The following FAM117A variants were observed in gnomAD, a reference collection of about 807,000 sequenced individuals.
FAM117A encodes family with sequence similarity 117 member A.
A neutral mutation model predicts 44.1 loss-of-function variants in FAM117A; 21 were observed. The observed-to-expected ratio is 0.48, with a 90% CI of 0.34 to 0.69. The LOEUF is 0.69. FAM117A is among the 30% of genes least tolerant of loss of function. FAM117A has a pLI of 0.01. For synonymous variants in FAM117A, 220 were observed against 238.3 expected (o/e 0.92, Z 0.71); for missense variants, 498 against 589.9 (o/e 0.84, Z 1.61).
chr17:49,760,591 C>T (rs547732839), intron 1 of FAM117A, among the ~76,000 whole-genome samples: 20 of 152,162 alleles, frequency 1.3e-4, no homozygotes, highest in Non-Finnish European at 2.6e-4. Context: ...GGTTCCAAGG[C>T]AGTATTTAGC....
In FAM117A at chr17:49,774,281, T is replaced by A. The variant is rs530445278; in HGVS notation, c.-621+14216A>T. Among the ~76,000 whole-genome samples, 9 of 152,038 alleles carry A rather than the reference T, an allele frequency of 5.9e-5. No individual in the cohort carries two copies. In the South Asian group the frequency reaches 1.0e-3, roughly 18 times the overall value. On this transcript the variant is annotated intron_variant, in intron 1 of 7. Transcript: ENST00000513602. ...CTCCCACCTCAGCCTCCGGAGTAGC[T>A]GGGACTACAGGCAGTCGCCACACCT... is the stretch of plus-strand genomic sequence containing the variant.
intron 6 of FAM117A, 59 bp from the exon 7 acceptor site, chr17:49,716,374 G>T: frequency 2.1e-6 from 3 of 1,440,042 alleles, no homozygotes; most frequent in East Asian, 4.9e-5. Context: ...CACTTTTCTG[G>T]GTCCAGGACT....
intron 5 of FAM117A, among the ~76,000 whole-genome samples, chr17:49,718,721 G>A (rs927214056): frequency 2.0e-5 from 3 of 151,698 alleles, no homozygotes; most frequent in Non-Finnish European, 4.4e-5. Flanking sequence ...GGTGGCTCAC[G>A]CCTGTAATCC....
chr17:49,715,210 C>A (rs548008840), intron 7 of FAM117A, among the ~76,000 whole-genome samples: 10 of 152,278 alleles, frequency 6.6e-5, no homozygotes, highest in Admixed American at 2.6e-4. Context: ...TCCCAGGCAA[C>A]AATAATAACA....
intron 7 of FAM117A, among the ~76,000 whole-genome samples, chr17:49,711,880 C>A (rs753325793): frequency 6.6e-6 from 1 of 152,220 alleles, no homozygotes; most frequent in Non-Finnish European, 1.5e-5. Flanking sequence ...CACGGTGGCT[C>A]ACGCCTATAA....
intron 1 of FAM117A, among the ~76,000 whole-genome samples, chr17:49,737,636 T>TA (rs1225309112): frequency 6.6e-6 from 1 of 152,210 alleles, no homozygotes; most frequent in Non-Finnish European, 1.5e-5. Flanking sequence ...CTTTCCTTAC[T>TA]GGGACCCTAA....
At chr17:49,739,442 G>A (rs184071582) in intron 1 of FAM117A, among the ~76,000 whole-genome samples, 2 of 152,242 alleles carry the variant, frequency 1.3e-5, no homozygotes, top group East Asian at 3.9e-4. Flanking sequence ...GCAGCTTCAG[G>A]TCAACACTTA....
At chr17:49,784,077 C>T (rs912306620) in intron 1 of FAM117A, among the ~76,000 whole-genome samples, 1 of 152,212 alleles carries the variant, frequency 6.6e-6, no homozygotes, top group African/African-American at 2.4e-5. Flanking sequence ...AGGCAAGGCT[C>T]CTAACCTCTG....
At chr17:49,753,460 C>T (rs572392469) in intron 1 of FAM117A, among the ~76,000 whole-genome samples, 7 of 152,144 alleles carry the variant, frequency 4.6e-5, no homozygotes, top group East Asian at 1.9e-4. Flanking sequence ...TGAAGATGCA[C>T]GAAAACATTT....
chr17:49,716,378 C>T lies in FAM117A; in HGVS notation c.911-63G>A, dbSNP rs577395682. On this transcript the variant is annotated intron_variant, in intron 6 of 7. Coordinates refer to ENST00000240364, the MANE Select transcript of FAM117A (RefSeq NM_030802.4). ...GGGAAGGCCTCCACTTTTCTGGGTC[C>T]AGGACTGAGGTGTAAAGTGGCAAGG... 15 of 1,430,822 alleles carry T rather than the reference C, an allele frequency of 1.0e-5. No individual in the cohort carries two copies. The African/African-American group carries it at 2.0e-4, about 19-fold the overall frequency. The allele number at this position is 1,430,822 out of a possible 1,614,324, so 88.6% of individuals were successfully genotyped here.
Position 49,711,307 on chromosome 17 carries a change from C to T in FAM117A, c.1310G>A (p.Arg437His), listed in dbSNP as rs1386011373. The change falls in exon 8 of 8, where the codon CGC (arginine) becomes CAC (histidine). Residue 437 changes from arginine to histidine, a missense_variant. Physicochemically the swap from Arg to His is conservative, Grantham distance 29. Transcript: ENST00000240364. ...CACAGGCTCTTCTGATGGTGGGGTG[C>T]GCTGCCATGGCTCGAATGGCAGTGG... ...ASPLPFEPWQ[R>H]TPPSEEPVLF... The T allele has an allele frequency of 3.1e-6, 5 of 1,609,868 alleles. No homozygotes were observed. The highest frequency in any genetic ancestry group is 3.3e-5 in the Admixed American group (2 of 59,736).
chr17:49,755,324 G>A (rs1292723343), intron 1 of FAM117A, among the ~76,000 whole-genome samples: 1 of 152,094 alleles, frequency 6.6e-6, no homozygotes. Flanking sequence ...CTCCTCCTTG[G>A]CCTAGAAAAG....
At chr17:49,712,268 C>T (rs2073482380) in intron 7 of FAM117A, among the ~76,000 whole-genome samples, 1 of 152,194 alleles carries the variant, frequency 6.6e-6, no homozygotes, top group African/African-American at 2.4e-5. Flanking sequence ...GCACCACTGA[C>T]ATTTTGGGCT....
At chr17:49,716,361 C>G in intron 6 of FAM117A, 46 bp from the exon 7 acceptor site, 1 of 1,478,590 alleles carries the variant, frequency 6.8e-7, no homozygotes, top group South Asian at 1.4e-5. Flanking sequence ...AAGGGAAGGC[C>G]TCCACTTTTC....
chr17:49,722,432 A>C, intron 3 of FAM117A, 67 bp downstream of exon 3: 10 of 1,299,394 alleles, frequency 7.7e-6, no homozygotes, highest in Non-Finnish European at 1.1e-5. Flanking sequence ...GAGCAGATGC[A>C]TTGCATGGTA....
intron 2 of FAM117A, among the ~76,000 whole-genome samples, chr17:49,724,824 AAAAAAAAAAAAAAAAGAAAGAAAG>A (rs2073552329): frequency 1.4e-5 from 2 of 146,518 alleles, no homozygotes; most frequent in South Asian, 2.1e-4. Context: ...AGTCTCAAGA[AAAAAAAAAAAAAAAAGAAAGAAAG>A]AAAAAAGAAA....
intron 1 of FAM117A, among the ~76,000 whole-genome samples, chr17:49,761,321 T>C (rs1005333010): frequency 1.3e-5 from 2 of 152,188 alleles, no homozygotes; most frequent in African/African-American, 4.8e-5. Flanking sequence ...GCAGTACTGG[T>C]TTCAGATCAA....
chr17:49,745,013 C>CA (rs34358343), intron 1 of FAM117A, among the ~76,000 whole-genome samples: 1,281 of 71,596 alleles, frequency 0.018, 30 homozygotes, highest in African/African-American at 0.037. Context: ...GACTCTGTCT[C>CA]AAAAAAAAAA....
Position 49,711,395 on chromosome 17 carries a change from G to A in FAM117A, c.1222C>T (p.Pro408Ser). The change falls in exon 8 of 8, where the codon CCC becomes TCC. Residue 408 changes from proline (P) to serine (S), a missense_variant. By Grantham distance (74) the Pro-to-Ser change is moderately conservative (BLOSUM62 -1). Coordinates refer to ENST00000240364, the MANE Select transcript of FAM117A (RefSeq NM_030802.4). ...FRNCPSNPGS[P>S]LPPASPRPPP... ...GGCCTGGGGCTGGCCGGGGGAAGGG[G>A]AGATCCCGGGTTTGAGGGGCAGTTA... 2 of 1,612,980 alleles carry A rather than the reference G, an allele frequency of 1.2e-6. No homozygotes were observed. The highest frequency in any genetic ancestry group is 1.7e-6 in the Non-Finnish European group (2 of 1,179,532).
Sources: gnomAD v4.1 joint callset for allele counts (sites outside exome capture counted in the v4.1 genomes callset) on GRCh38, gnomAD v4.1.1 for gene constraint, MANE v1.5 for transcripts, NCBI Gene and HGNC (gene_info 2026-07-23, HGNC 2026-07-21) for gene names.